Variants in SVIL observed in about 807,000 individuals in gnomAD.
The protein encoded by SVIL is supervillin.
In SVIL, 101 loss-of-function variants were observed where a neutral mutation model predicts 240.4. The observed-to-expected ratio is 0.42, with a 90% CI of 0.36 to 0.50. The LOEUF (loss-of-function observed/expected upper bound fraction) is 0.50, where lower values mean the gene tolerates loss of function less well. Ranked by LOEUF, SVIL falls within the 20% of genes least tolerant of loss-of-function variation. SVIL has a pLI of 0.01. For synonymous variants in SVIL, 999 were observed against 1,100.0 expected (o/e 0.91, Z 1.82); for missense variants, 2,512 against 2,818.7 (o/e 0.89, Z 2.46).
At chr10:29,566,238 A>G (rs1307303681) in intron 2 of SVIL, among the ~76,000 whole-genome samples, 10 of 152,080 alleles carry the variant, frequency 6.6e-5, no homozygotes, top group Admixed American at 2.0e-4. Context: ...CACCTTGCAT[A>G]CATGTGTGAA....
intron 36 of SVIL, 71 bp downstream of exon 36, chr10:29,462,206 C>T: frequency 1.3e-6 from 2 of 1,543,280 alleles, no homozygotes; most frequent in Non-Finnish European, 1.7e-6. Flanking sequence ...GGATGCTCTC[C>T]CCAAAGTAAA....
chr10:29,644,483 A>G (rs2132989729), intron 3 of SVIL, among the ~76,000 whole-genome samples: 1 of 152,158 alleles, frequency 6.6e-6, no homozygotes, highest in Admixed American at 6.5e-5. Flanking sequence ...TCCTCCAGAA[A>G]CAGAGCTCTA....
intron 3 of SVIL, among the ~76,000 whole-genome samples, chr10:29,558,110 A>T (rs1308891911): frequency 6.6e-6 from 1 of 152,168 alleles, no homozygotes; most frequent in Non-Finnish European, 1.5e-5. Flanking sequence ...TCAAATACAC[A>T]GCCTGTGCCT....
At chr10:29,537,052 T>C (rs1035994320) in intron 6 of SVIL, among the ~76,000 whole-genome samples, 3 of 151,770 alleles carry the variant, frequency 2.0e-5, no homozygotes, top group African/African-American at 4.8e-5. Flanking sequence ...CGTTGGTAAA[T>C]AGCCTAATAT....
chr10:29,582,845 A>T (rs1482473580), intron 1 of SVIL, among the ~76,000 whole-genome samples: 1 of 152,060 alleles, frequency 6.6e-6, no homozygotes, highest in Non-Finnish European at 1.5e-5. Flanking sequence ...ACACCTTCAG[A>T]GCTGCGGGGG....
intron 1 of SVIL, among the ~76,000 whole-genome samples, chr10:29,709,011 A>AT (rs1963099783): frequency 5.6e-5 from 5 of 89,216 alleles, no homozygotes; most frequent in Admixed American, 2.7e-4. Context: ...GAATAAAAAC[A>AT]CAAAAAATTG....
chr10:29,534,825 G>C (rs1213860413), intron 7 of SVIL, among the ~76,000 whole-genome samples: 2 of 152,194 alleles, frequency 1.3e-5, no homozygotes, highest in East Asian at 1.9e-4. Flanking sequence ...GCTTAGCAAA[G>C]AGTAAATGTT....
chr10:29,532,198 A>G, intron 8 of SVIL, 26 bp from the exon 9 acceptor site: 1 of 1,604,672 alleles, frequency 6.2e-7, no homozygotes, highest in Non-Finnish European at 8.5e-7. Context: ...GGCAGAGAGT[A>G]TAAGGAAGGC....
chr10:29,499,834 G>A (rs530739456), intron 17 of SVIL, among the ~76,000 whole-genome samples: 12 of 152,346 alleles, frequency 7.9e-5, no homozygotes, highest in Admixed American at 2.0e-4. Context: ...ACAACCAGGA[G>A]AGCCCACAGA....
intron 11 of SVIL, 93 bp from the exon 12 acceptor site, chr10:29,529,937 A>C: frequency 7.5e-7 from 1 of 1,327,598 alleles, no homozygotes. Context: ...TTGGGAGGCT[A>C]AGGAGGGAAG....
In SVIL at chr10:29,551,073, T is replaced by G. The variant is rs766884198; in HGVS notation, c.351A>C (p.Ala117=). 3.1e-6 allele frequency: 5 copies of G among 1,614,186 alleles called. No individual in the cohort carries two copies. Among genetic ancestry groups the G allele is most frequent in the East Asian group, 4.5e-5 (2 of 44,882 alleles). Residue 117 remains alanine, a synonymous_variant, in exon 6 of 38, where the codon GCA becomes GCC. Coordinates refer to ENST00000355867, the MANE Select transcript of SVIL (RefSeq NM_021738.3). ...RYKAERRRQL[A]EKYGLTLDPE... ...GATCCAGAGTCAGCCCATACTTCTCTGCCAGCTGTCGCCTTCTTTCTGCTT... is the reference window on the plus strand; with the variant it reads ...GATCCAGAGTCAGCCCATACTTCTCGGCCAGCTGTCGCCTTCTTTCTGCTT...
intron 2 of SVIL, among the ~76,000 whole-genome samples, chr10:29,684,724 G>A (rs1476344246): frequency 6.6e-6 from 1 of 152,112 alleles, no homozygotes; most frequent in East Asian, 1.9e-4. Flanking sequence ...AAAAGACCTG[G>A]AAAGGGAAAG....
chr10:29,715,111 G>A lies in SVIL; in HGVS notation c.-400+20640C>T, dbSNP rs118139903. 6.1e-3 allele frequency among the ~76,000 whole-genome samples: 922 copies of A among 152,050 alleles called. 8 individuals are homozygous for A. The highest frequency in any genetic ancestry group is 0.014 in the Middle Eastern group (4 of 294). ...AATATAACTCTAAACAAAGAAAACG[G>A]TCAGAATATAAATTGAACTTTAAAC... On this transcript the variant is annotated intron_variant, in intron 1 of 35. Transcript: ENST00000375400.
At chr10:29,624,406 C>T (rs575721568) in intron 1 of SVIL, among the ~76,000 whole-genome samples, 5 of 152,146 alleles carry the variant, frequency 3.3e-5, no homozygotes, top group African/African-American at 1.2e-4. Flanking sequence ...GGTGTGGTGG[C>T]ACACACCTGT....
intron 1 of SVIL, among the ~76,000 whole-genome samples, chr10:29,710,777 A>C (rs986282350): frequency 3.3e-5 from 5 of 152,222 alleles, no homozygotes; most frequent in Non-Finnish European, 1.5e-5. Context: ...CAAACACGTA[A>C]GACTCAGAAA....
intron 36 of SVIL, among the ~76,000 whole-genome samples, chr10:29,460,021 G>A (rs2132260484): frequency 6.6e-6 from 1 of 152,222 alleles, no homozygotes; most frequent in South Asian, 2.1e-4. Flanking sequence ...GAGCCCAGGG[G>A]TTCAAGGTTT....
At chr10:29,617,481 T>C (rs1957469233) in intron 1 of SVIL, among the ~76,000 whole-genome samples, 1 of 151,444 alleles carries the variant, frequency 6.6e-6, no homozygotes, top group African/African-American at 2.4e-5. Context: ...CTTGGGAGGC[T>C]GAGGCAGGAG....
intron 1 of SVIL, among the ~76,000 whole-genome samples, chr10:29,599,818 G>A (rs2505896): frequency 0.21 from 31,884 of 151,818 alleles, 3,379 homozygotes; most frequent in Middle Eastern, 0.24. Flanking sequence ...CAGGGTGAAT[G>A]GAATTTACAC....
chr10:29,664,238 T>C (rs568420084), intron 2 of SVIL, among the ~76,000 whole-genome samples: 1 of 152,356 alleles, frequency 6.6e-6, no homozygotes, highest in African/African-American at 2.4e-5. Context: ...GAATCTCTCA[T>C]ACACTTTTTC....
Sources: allele counts gnomAD v4.1 joint callset (sites outside exome capture counted in the v4.1 genomes callset), GRCh38; gene constraint gnomAD v4.1.1; transcripts MANE v1.5; gene names NCBI Gene and HGNC (gene_info 2026-07-23, HGNC 2026-07-21).